The following PRKG1 variants were observed in gnomAD, a reference collection of about 807,000 sequenced individuals.
The protein encoded by PRKG1 is cGMP-dependent protein kinase 1.
In PRKG1, 35 loss-of-function variants were observed where a neutral mutation model predicts 88.1. The ratio of observed to expected loss-of-function variants is 0.40; its 90% confidence interval spans 0.30 to 0.53. The LOEUF is 0.53. PRKG1 is among the 20% of genes least tolerant of loss of function. The pLI, the probability that PRKG1 is intolerant of heterozygous loss-of-function variation, is 0.59. For missense variants in PRKG1, 540 were observed against 839.8 expected (o/e 0.64, Z 4.41); for synonymous variants, 303 against 292.5 (o/e 1.04, Z -0.37).
intron 2 of PRKG1, among the ~76,000 whole-genome samples, chr10:51,374,684 C>T (rs1320545790): frequency 1.3e-5 from 2 of 152,164 alleles, no homozygotes; most frequent in South Asian, 2.1e-4. Flanking sequence ...CCTCACCAGA[C>T]AATTGAACCC....
intron 3 of PRKG1, among the ~76,000 whole-genome samples, chr10:51,705,033 A>T (rs189293232): frequency 1.3e-5 from 2 of 152,146 alleles, no homozygotes; most frequent in Non-Finnish European, 2.9e-5. Flanking sequence ...CATTCTCATT[A>T]CTTCTCTCCA....
chr10:51,894,975 T>C (rs1368672557), intron 4 of PRKG1, among the ~76,000 whole-genome samples: 1 of 152,160 alleles, frequency 6.6e-6, no homozygotes, highest in African/African-American at 2.4e-5. Flanking sequence ...ATAGTTACGA[T>C]GATAAGGAAG....
At chr10:51,433,143 A>G (rs574617770) in intron 2 of PRKG1, among the ~76,000 whole-genome samples, 4 of 152,122 alleles carry the variant, frequency 2.6e-5, no homozygotes, top group Admixed American at 6.5e-5. Context: ...ATGGTTGGGG[A>G]GGGAGTCTGA....
chr10:51,658,712 T>C (rs1052771847), intron 3 of PRKG1, among the ~76,000 whole-genome samples: 3 of 152,132 alleles, frequency 2.0e-5, no homozygotes, highest in Non-Finnish European at 2.9e-5. Flanking sequence ...TTTTTGCCAT[T>C]GATTTCCATA....
At chr10:52,203,387 T>C (rs556411568) in intron 9 of PRKG1, among the ~76,000 whole-genome samples, 1 of 152,354 alleles carries the variant, frequency 6.6e-6, no homozygotes, top group South Asian at 2.1e-4. Context: ...GTGTGGTGGA[T>C]ATAATTTCAT....
At chr10:52,157,312 T>G (rs1007183392) in intron 8 of PRKG1, among the ~76,000 whole-genome samples, 46 of 43,148 alleles carry the variant, frequency 1.1e-3, no homozygotes, top group African/African-American at 2.5e-3. Flanking sequence ...AGTTGATATA[T>G]ATATATATAT....
chr10:52,036,906 T>G (rs1374709170), intron 5 of PRKG1, among the ~76,000 whole-genome samples: 57 of 149,072 alleles, frequency 3.8e-4, no homozygotes, highest in Non-Finnish European at 5.1e-4. Flanking sequence ...GAAGGTAATG[T>G]GGAGTGGGTA....
chr10:51,141,703 C>T (rs1845823212), intron 1 of PRKG1, among the ~76,000 whole-genome samples: 1 of 152,086 alleles, frequency 6.6e-6, no homozygotes, highest in South Asian at 2.1e-4. Context: ...CTCAACCTTC[C>T]TTTCTTCCTA....
At chr10:51,334,187 T>C (rs10996930) in intron 2 of PRKG1, among the ~76,000 whole-genome samples, 1,528 of 99,384 alleles carry the variant, frequency 0.015, 9 homozygotes, top group Non-Finnish European at 0.027. Context: ...TCTCTCTCTC[T>C]CTCTCACTCA....
intron 1 of PRKG1, among the ~76,000 whole-genome samples, chr10:51,016,669 C>CTTTTTTTTTTTTTTTTTTTTT (rs1323068893): frequency 1.1e-3 from 24 of 22,762 alleles, no homozygotes; most frequent in Non-Finnish European, 1.6e-3. Flanking sequence ...TATTATTATC[C>CTTTTTTTTTTTTTTTTTTTTT]TTTCTTTTTT....
Position 52,014,506 on chromosome 10 carries a change from A to T in PRKG1, c.763-39978A>T, listed in dbSNP as rs151055278. ...AATTCAAGGTGATATTTGGGTGGGG[A>T]CACAGAGCCAAACCATATCATTCTG... On this transcript the variant is annotated intron_variant, in intron 5 of 17. Coordinates refer to ENST00000373980, the MANE Select transcript of PRKG1 (RefSeq NM_006258.4). Among the ~76,000 whole-genome samples, 5 of 152,298 alleles carry T rather than the reference A, an allele frequency of 3.3e-5. No homozygotes were observed. The East Asian group carries it at 9.6e-4, about 29-fold the overall frequency.
intron 9 of PRKG1, among the ~76,000 whole-genome samples, chr10:52,249,615 A>G (rs1841120269): frequency 6.6e-6 from 1 of 152,110 alleles, no homozygotes; most frequent in South Asian, 2.1e-4. Flanking sequence ...AAATAATAAC[A>G]CCATACTTTG....
chr10:51,834,560 G>A (rs536674832), intron 4 of PRKG1, among the ~76,000 whole-genome samples: 11 of 152,030 alleles, frequency 7.2e-5, no homozygotes, highest in African/African-American at 2.7e-4. Flanking sequence ...AGGATTGTTT[G>A]AGCCCCAGAG....
intron 2 of PRKG1, among the ~76,000 whole-genome samples, chr10:51,292,911 T>C (rs1270097137): frequency 6.6e-6 from 1 of 152,086 alleles, no homozygotes; most frequent in East Asian, 1.9e-4. Flanking sequence ...ACTTTTTTAT[T>C]CTTATTTATT....
chr10:51,390,591 A>G (rs2132646076), intron 2 of PRKG1, among the ~76,000 whole-genome samples: 1 of 152,200 alleles, frequency 6.6e-6, no homozygotes, highest in African/African-American at 2.4e-5. Context: ...TCTATCAACA[A>G]TTTTCTTTTT....
At chr10:51,291,247 T>C (rs536620970) in intron 2 of PRKG1, among the ~76,000 whole-genome samples, 1 of 152,278 alleles carries the variant, frequency 6.6e-6, no homozygotes, top group African/African-American at 2.4e-5. Flanking sequence ...CCAGCCTGTA[T>C]TGACTGAAGC....
At chr10:52,028,231 A>G (rs1845392220) in intron 5 of PRKG1, among the ~76,000 whole-genome samples, 1 of 152,206 alleles carries the variant, frequency 6.6e-6, no homozygotes, top group Non-Finnish European at 1.5e-5. Flanking sequence ...GTGTTATTAT[A>G]GAGTCCTATA....
intron 3 of PRKG1, among the ~76,000 whole-genome samples, chr10:51,561,697 G>C (rs560572481): frequency 6.6e-6 from 1 of 152,184 alleles, no homozygotes; most frequent in South Asian, 2.1e-4. Context: ...GAAGAGAAAA[G>C]ATGTCCAGGG....
At chr10:52,135,007 G>A (rs1837366726) in intron 8 of PRKG1, among the ~76,000 whole-genome samples, 1 of 152,092 alleles carries the variant, frequency 6.6e-6, no homozygotes, top group South Asian at 2.1e-4. Flanking sequence ...CATGTGCAAA[G>A]CATTGTCCTG....
Sources: gnomAD v4.1 joint callset for allele counts (sites outside exome capture counted in the v4.1 genomes callset) on GRCh38, gnomAD v4.1.1 for gene constraint, MANE v1.5 for transcripts, NCBI Gene and HGNC (gene_info 2026-07-23, HGNC 2026-07-21) for gene names.